Variants in ATP9B observed in about 807,000 individuals in gnomAD.
ATP9B encodes ATPase phospholipid transporting 9B, also known as probable phospholipid-transporting ATPase IIB.
Under a neutral mutation model 146.1 loss-of-function variants are expected in ATP9B, and 110 were observed. The ratio of observed to expected loss-of-function variants is 0.75; its 90% CI spans 0.65 to 0.88. The LOEUF (loss-of-function observed/expected upper bound fraction) is 0.88, where lower values mean the gene tolerates loss of function less well. ATP9B is among the 40% of genes least tolerant of loss of function. The probability of loss-of-function intolerance (pLI) is 0.00; values close to 1 mark genes in which losing one functional copy is unlikely to be tolerated. For missense variants in ATP9B, 1,499 were observed against 1,496.4 expected, an observed-to-expected ratio of 1.00 and a Z score of -0.03; for synonymous variants, 604 against 569.7, an observed-to-expected ratio of 1.06 and a Z score of -0.86.
chr18:79,192,035 T>C (rs2095371518), intron 8 of ATP9B, among the ~76,000 whole-genome samples: 1 of 152,196 alleles, frequency 6.6e-6, no homozygotes, highest in Admixed American at 6.5e-5. Context: ...AGGGAGCTGC[T>C]GTGGTGTTCT....
At chr18:79,305,440 C>A (rs2096615311) in intron 14 of ATP9B, among the ~76,000 whole-genome samples, 1 of 152,062 alleles carries the variant, frequency 6.6e-6, no homozygotes, top group South Asian at 2.1e-4. Flanking sequence ...ACGTACACAG[C>A]CAAACACTTT....
chr18:79,107,410 G>A (rs930943779), intron 2 of ATP9B, among the ~76,000 whole-genome samples: 19 of 152,114 alleles, frequency 1.2e-4, no homozygotes, highest in African/African-American at 4.1e-4. Context: ...TCATTTGGAC[G>A]GTCCAGGCCT....
intron 17 of ATP9B, among the ~76,000 whole-genome samples, chr18:79,330,740 A>G (rs943388501): frequency 1.3e-5 from 2 of 152,132 alleles, no homozygotes; most frequent in African/African-American, 4.8e-5. Flanking sequence ...GTAAATAACA[A>G]TCATTTTTGT....
At chr18:79,332,238 G>A (rs1034294787) in intron 17 of ATP9B, among the ~76,000 whole-genome samples, 26 of 152,128 alleles carry the variant, frequency 1.7e-4, no homozygotes, top group South Asian at 4.1e-4. Flanking sequence ...GACCCTCCTG[G>A]CTAACACGGT....
intron 25 of ATP9B, among the ~76,000 whole-genome samples, chr18:79,350,932 C>G (rs190954027): frequency 6.6e-6 from 1 of 152,176 alleles, no homozygotes; most frequent in South Asian, 2.1e-4. Context: ...CCACGCCCAG[C>G]TAATTTTTGT....
chr18:79,327,757 G>A lies in ATP9B; in HGVS notation c.1774-1384G>A, dbSNP rs1467463728. ...GGTTAGCGTGCTCTCCGTGGTTAGC[G>A]TGCTCTCTGTGGTTAACGTGCTCTC... On this transcript the variant is annotated intron_variant, in intron 15 of 29. Transcript: ENST00000426216. 1.3e-4 allele frequency among the ~76,000 whole-genome samples: 18 copies of A among 137,546 alleles called. 2 individuals carry two copies. The highest frequency in any genetic ancestry group is 3.7e-4 in the African/African-American group (13 of 35,202). The allele number at this position is 137,546 out of a possible 152,430, so 90.2% of individuals were successfully genotyped here. A position where few individuals can be genotyped will look rare whatever the true frequency, so the allele number is the denominator to read the frequency against.
chr18:79,190,690 C>A (rs115734463), intron 8 of ATP9B, among the ~76,000 whole-genome samples: 1 of 151,984 alleles, frequency 6.6e-6, no homozygotes, highest in Non-Finnish European at 1.5e-5. Context: ...GGACTACAGA[C>A]GTGCAGCAGC....
At chr18:79,227,445 T>C (rs2148542403) in intron 11 of ATP9B, among the ~76,000 whole-genome samples, 1 of 135,306 alleles carries the variant, frequency 7.4e-6, no homozygotes, top group Non-Finnish European at 1.6e-5. Context: ...GTGAATCGGA[T>C]GGATGGGTGG....
rs73971588 is a variant in ATP9B, at chr18:79,234,010, G to A, written c.1108-19371G>A. Among the ~76,000 whole-genome samples, 1,149 of 152,270 alleles carry A rather than the reference G, an allele frequency of 7.5e-3. 14 individuals are homozygous for A. Among genetic ancestry groups the A allele is most frequent in the African/African-American group, 0.018 (738 of 41,560 alleles). ...GAGTAGGCTGAGGAGGAGGAGGAAG[G>A]AGGATTGGTCTTGCTCCCTCCTTGG... On this transcript the variant is annotated intron_variant, in intron 11 of 29. Transcript: ENST00000426216.
intron 2 of ATP9B, 98 bp downstream of exon 2, chr18:79,096,747 A>AG: frequency 2.1e-6 from 2 of 963,882 alleles, no homozygotes; most frequent in Non-Finnish European, 3.0e-6. Flanking sequence ...TAAAAACTCA[A>AG]GGAGATATTC....
chr18:79,347,374 G>A (rs2096895553), intron 23 of ATP9B, among the ~76,000 whole-genome samples: 1 of 152,206 alleles, frequency 6.6e-6, no homozygotes, highest in Non-Finnish European at 1.5e-5. Flanking sequence ...TCTTGAAGCA[G>A]CCCAAGATTA....
rs1555689295 is a variant in ATP9B at position 79,118,390 on chromosome 18, G to GGTTTTTTTTTTT, written c.558+5036_558+5037insGTTTTTTTTTTT. Among the ~76,000 whole-genome samples the GGTTTTTTTTTTT allele has an allele frequency of 5.4e-5, 5 of 93,238 alleles. 1 individual carries two copies. The highest frequency in any genetic ancestry group is 1.6e-4 in the African/African-American group (4 of 25,628). The allele number at this position is 93,238 out of a possible 152,430, so 61.2% of individuals were successfully genotyped here. On this transcript the variant is annotated intron_variant, in intron 4 of 29. Transcript: ENST00000426216. ...AAACACAATCATATTGAACGTTTTT[G>GGTTTTTTTTTTT]TTTTTTTTTTTTTTTTTTTTTTTTT...
intron 17 of ATP9B, among the ~76,000 whole-genome samples, chr18:79,330,499 A>G (rs2096784545): frequency 6.6e-6 from 1 of 150,604 alleles, no homozygotes; most frequent in Non-Finnish European, 1.5e-5. Flanking sequence ...TGCAACCTGC[A>G]CTTCCCAGGT....
intron 10 of ATP9B, chr18:79,209,696 A>G (rs1179392656): frequency 1.0e-6 from 1 of 984,436 alleles, no homozygotes; most frequent in Non-Finnish European, 1.2e-6. Context: ...CGGCTTTAAA[A>G]CCATCCACTC....
rs1400742519 is a variant in ATP9B, at chr18:79,319,639, G to A, written c.1774-9502G>A. Among the ~76,000 whole-genome samples, 14 of 152,272 alleles carry A rather than the reference G, an allele frequency of 9.2e-5. No homozygotes were observed. The South Asian group carries it at 1.0e-3, about 11-fold the overall frequency. On this transcript the variant is annotated intron_variant, in intron 15 of 29. Transcript: ENST00000426216. ...TCACTGTCCTCAGTGTCTCTCCCAC[G>A]TTGATAGCACAAAAAGATTTAAGGA...
intron 11 of ATP9B, among the ~76,000 whole-genome samples, chr18:79,215,669 T>G (rs545978779): frequency 2.2e-4 from 34 of 152,220 alleles, no homozygotes; most frequent in South Asian, 1.2e-3. Flanking sequence ...GCTATGTTAT[T>G]TTTTTCATGT....
chr18:79,278,397 A>C (rs188409591), intron 13 of ATP9B, among the ~76,000 whole-genome samples: 4 of 152,200 alleles, frequency 2.6e-5, no homozygotes, highest in African/African-American at 9.7e-5. Context: ...TACGGTGTTC[A>C]AGAAATCACA....
intron 25 of ATP9B, among the ~76,000 whole-genome samples, chr18:79,350,737 GC>G (rs2096918174): frequency 6.7e-6 from 1 of 150,034 alleles, no homozygotes; most frequent in South Asian, 2.1e-4. Context: ...TTTTCCCATT[GC>G]CTACATATTT....
At chr18:79,311,471 G>A (rs1405048781) in intron 15 of ATP9B, among the ~76,000 whole-genome samples, 1 of 152,164 alleles carries the variant, frequency 6.6e-6, no homozygotes, top group African/African-American at 2.4e-5. Flanking sequence ...AAATGTGCCA[G>A]CAGATTCATG....
Sources: allele counts gnomAD v4.1 joint callset (sites outside exome capture counted in the v4.1 genomes callset), GRCh38; gene constraint gnomAD v4.1.1; transcripts MANE v1.5; gene names NCBI Gene and HGNC (gene_info 2026-07-23, HGNC 2026-07-21).